IBTK: variants seen among roughly 807,000 people sequenced by gnomAD.
IBTK encodes the protein inhibitor of Bruton tyrosine kinase.
IBTK carries 83 observed loss-of-function variants against 154.9 expected under a neutral mutation model. That is an observed-to-expected ratio of 0.54 (90% confidence interval 0.45 to 0.64). The LOEUF (loss-of-function observed/expected upper bound fraction) is 0.64. IBTK is among the 30% of genes least tolerant of loss of function. The pLI is 0.00. For synonymous variants in IBTK, 515 were observed against 536.1 expected, an observed-to-expected ratio of 0.96 and a Z score of 0.54; for missense variants, 1,332 against 1,584.6, an observed-to-expected ratio of 0.84 and a Z score of 2.71.
At chr6:82,218,938 G>A (rs915392875) in intron 9 of IBTK, among the ~76,000 whole-genome samples, 25 of 152,168 alleles carry the variant, frequency 1.6e-4, no homozygotes, top group African/African-American at 5.1e-4. Flanking sequence ...TGCTTTCAGA[G>A]CTTGGTTTTC....
At chr6:82,206,584 C>T (rs1363614338) in intron 16 of IBTK, among the ~76,000 whole-genome samples, 2 of 152,118 alleles carry the variant, frequency 1.3e-5, no homozygotes, top group African/African-American at 4.8e-5. Flanking sequence ...ATGAAGAACA[C>T]TTCCCAACTC....
In IBTK at chr6:82,214,425, T is replaced by C; in HGVS notation, c.2006A>G (p.Asn669Ser). The C allele has an allele frequency of 8.7e-6, 14 of 1,613,996 alleles. No individual in the cohort carries two copies. Among genetic ancestry groups the C allele is most frequent in the Non-Finnish European group, 1.2e-5 (14 of 1,179,894 alleles). ...ATCATCTTCATGGAAATTCACTTTA[T>C]TCAAATGAGAATTCAGAGTTCCCTG... Reference protein sequence around the residue: ...EYQGTLNSHLNKVNFHEDDNQ... With the variant: ...EYQGTLNSHLSKVNFHEDDNQ... The change falls in exon 12 of 29, where the codon AAT (asparagine) becomes AGT (serine). Residue 669 changes from asparagine to serine, a missense_variant. By Grantham distance (46) the Asn-to-Ser change is conservative. Coordinates refer to ENST00000306270, the MANE Select transcript of IBTK (RefSeq NM_015525.4).
chr6:82,226,675 C>T (rs1770310789), intron 5 of IBTK, among the ~76,000 whole-genome samples: 2 of 151,196 alleles, frequency 1.3e-5, no homozygotes, highest in South Asian at 2.1e-4. Context: ...GGCACAATCT[C>T]GGCTCACCGC....
Position 82,170,552 on chromosome 6 carries a change from T to C in IBTK, c.*873A>G, listed in dbSNP as rs1332922629. On this transcript the variant is annotated 3_prime_UTR_variant, in exon 29 of 29. Coordinates refer to ENST00000306270, the MANE Select transcript of IBTK (RefSeq NM_015525.4). ...ATACAATTGAGGTTCAGAGAACTTC[T>C]GATTATACAGTATTGTAAAGGTAAT... 2 of 152,216 alleles carry C rather than the reference T, an allele frequency of 1.3e-5. No individual in the cohort carries two copies. Among genetic ancestry groups the C allele is most frequent in the Non-Finnish European group, 2.9e-5 (2 of 68,036 alleles). The allele number at this position is 152,216 out of a possible 1,614,324, so 9.4% of individuals were successfully genotyped here. A position where few individuals can be genotyped will look rare whatever the true frequency, so the allele number is the denominator to read the frequency against.
At chr6:82,172,564 CA>C in intron 27 of IBTK, 52 bp from the exon 28 acceptor site, 1 of 1,540,320 alleles carries the variant, frequency 6.5e-7, no homozygotes, top group Non-Finnish European at 8.8e-7. Context: ...TTTTTGCATG[CA>C]AAATTTTCTC....
chr6:82,171,860 A>G (rs1159576775), intron 28 of IBTK, among the ~76,000 whole-genome samples: 2 of 152,190 alleles, frequency 1.3e-5, no homozygotes, highest in Non-Finnish European at 2.9e-5. Context: ...TTATTCTGTG[A>G]GATACTTTCT....
At chr6:82,208,262 C>T (rs1017257948) in intron 16 of IBTK, among the ~76,000 whole-genome samples, 2 of 151,762 alleles carry the variant, frequency 1.3e-5, no homozygotes, top group East Asian at 3.9e-4. Flanking sequence ...ACTATGACTA[C>T]ATATAATTTT....
At position 82,210,862 on chromosome 6, in the gene IBTK, T is replaced by C. The variant is rs1328589144; in HGVS notation, c.2461A>G (p.Lys821Glu). 6.3e-7 allele frequency: 1 copy of C among 1,579,850 alleles called. No individual in the cohort carries two copies. Among genetic ancestry groups the C allele is most frequent in the South Asian group, 1.2e-5 (1 of 84,878 alleles). Reference sequence around the variant, plus strand: ...GTATAGAGGTAGTCCAAAATAACTTTTAATATATCAGAATGTATTGGCATT... The same window carrying C: ...GTATAGAGGTAGTCCAAAATAACTTCTAATATATCAGAATGTATTGGCATT... ...LEMPIHSDIL[K>E]VILDYLYTDE... is the part of the protein sequence containing the mutation. Residue 821 changes from lysine (K) to glutamate (E), a missense_variant, in exon 16 of 29, where the codon AAA becomes GAA. Lys to Glu is a moderately conservative substitution (Grantham distance 56). Around this residue, in one of 3 missense-constraint regions of IBTK, gnomAD observed 1,134 missense variants for 1,274.7 expected, o/e 0.89. Transcript: ENST00000306270.
At chr6:82,192,961 G>C (rs2127803790) in intron 23 of IBTK, among the ~76,000 whole-genome samples, 1 of 151,936 alleles carries the variant, frequency 6.6e-6, no homozygotes, top group South Asian at 2.1e-4. Flanking sequence ...GGCTGAGCAT[G>C]GTGGCACGCG....
At chr6:82,188,008 T>G (rs1393645292) in intron 25 of IBTK, among the ~76,000 whole-genome samples, 1 of 151,784 alleles carries the variant, frequency 6.6e-6, no homozygotes, top group African/African-American at 2.4e-5. Flanking sequence ...ATGTACACCT[T>G]AACAGCAAAA....
intron 2 of IBTK, among the ~76,000 whole-genome samples, chr6:82,235,286 C>T (rs1311247752): frequency 6.6e-6 from 1 of 152,102 alleles, no homozygotes; most frequent in African/African-American, 2.4e-5. Context: ...AAACATTTAA[C>T]TCTTCTTGCA....
intron 1 of IBTK, among the ~76,000 whole-genome samples, chr6:82,242,493 T>C (rs1181236882): frequency 6.6e-6 from 1 of 152,200 alleles, no homozygotes; most frequent in East Asian, 1.9e-4. Context: ...CGATTATTTT[T>C]AATGGCAAAA....
Position 82,220,586 on chromosome 6 carries a change from T to C in IBTK, c.1248+4A>G, listed in dbSNP as rs1770059095. On this transcript the variant is annotated splice_donor_region_variant and intron_variant, in intron 9 of 28. Transcript: ENST00000306270. The stretch of plus-strand genomic sequence containing the variant: ...ATTACACTTTTACATAAACATGTAC[T>C]TACCCTTCCAGCTCCATCCATTGCA... 2 of 1,602,882 alleles carry C rather than the reference T, an allele frequency of 1.2e-6. No individual in the cohort carries two copies. The highest frequency in any genetic ancestry group is 2.2e-5 in the East Asian group (1 of 44,728).
intron 25 of IBTK, among the ~76,000 whole-genome samples, chr6:82,187,632 C>T (rs1037589617): frequency 7.9e-5 from 12 of 152,206 alleles, no homozygotes; most frequent in Middle Eastern, 6.8e-3. Context: ...GAAATACTAG[C>T]AGTCATCAGG....
At chr6:82,199,844 T>C (rs938727116) in intron 21 of IBTK, among the ~76,000 whole-genome samples, 4 of 152,204 alleles carry the variant, frequency 2.6e-5, no homozygotes, top group Non-Finnish European at 5.9e-5. Context: ...GCTACTAAGC[T>C]TGGGAACACA....
At chr6:82,196,265 GA>G in intron 22 of IBTK, 32 bp downstream of exon 22, 1 of 1,498,310 alleles carries the variant, frequency 6.7e-7, no homozygotes, top group South Asian at 1.4e-5. Flanking sequence ...TCTAAAATCT[GA>G]AGGTAAGGAG....
At chr6:82,236,193 G>A (rs181764066) in intron 2 of IBTK, among the ~76,000 whole-genome samples, 2 of 152,136 alleles carry the variant, frequency 1.3e-5, no homozygotes, top group East Asian at 3.9e-4. Context: ...TAATTTAATT[G>A]CTTGGTTTTG....
At chr6:82,245,784 A>G (rs1485058926) in intron 1 of IBTK, among the ~76,000 whole-genome samples, 1 of 152,118 alleles carries the variant, frequency 6.6e-6, no homozygotes, top group African/African-American at 2.4e-5. Flanking sequence ...AAAAAAGGGC[A>G]GGCAATCCAA....
chr6:82,195,440 T>A (rs1223698487), intron 22 of IBTK, among the ~76,000 whole-genome samples: 1 of 151,810 alleles, frequency 6.6e-6, no homozygotes, highest in African/African-American at 2.4e-5. Context: ...TAGCTGGACG[T>A]GATGGTGCGT....
Sources: gnomAD v4.1 joint callset for allele counts (sites outside exome capture counted in the v4.1 genomes callset) on GRCh38, gnomAD v4.1.1 for gene constraint, gnomAD v4.1.1 regional missense constraint, MANE v1.5 for transcripts, NCBI Gene and HGNC (gene_info 2026-07-23, HGNC 2026-07-21) for gene names.